Variants in RAB11FIP1 observed in about 807,000 individuals in gnomAD.
RAB11FIP1 encodes RAB11 family interacting protein 1.
Under a neutral mutation model 83.1 loss-of-function variants are expected in RAB11FIP1, and 49 were observed. The ratio of observed to expected loss-of-function variants is 0.59; its 90% confidence interval spans 0.47 to 0.75. RAB11FIP1 has a LOEUF of 0.75. Among genes scored for constraint, RAB11FIP1 ranks in the 30% least tolerant of loss-of-function variants. The pLI, the probability that RAB11FIP1 is intolerant of heterozygous loss-of-function variation, is 0.00. For missense variants in RAB11FIP1, 1,536 were observed against 1,598.7 expected, an observed-to-expected ratio of 0.96 and a Z score of 0.67; for synonymous variants, 670 against 656.0, an observed-to-expected ratio of 1.02 and a Z score of -0.33.
At chr8:37,875,901 G>T (rs1210742276) in intron 2 of RAB11FIP1, among the ~76,000 whole-genome samples, 1 of 152,118 alleles carries the variant, frequency 6.6e-6, no homozygotes, top group Non-Finnish European at 1.5e-5. Flanking sequence ...AGGAACTCTG[G>T]AAAAGGAATT....
rs1459595863 is a variant in RAB11FIP1 at position 37,871,721 on chromosome 8, C to T, written c.3081G>A (p.Leu1027=). Reference sequence around the variant, plus strand: ...GGGGTGCTTGCAGCCTGAAATCACACAGGCCCTCCCCCAGTACCAACCTAT... The same window carrying T: ...GGGGTGCTTGCAGCCTGAAATCACATAGGCCCTCCCCCAGTACCAACCTAT... ...EADRLVLGEG[L]CDFRLQAPQA... Residue 1027 remains leucine (L), a synonymous_variant, in exon 4 of 6, where the codon CTG becomes CTA. Transcript: ENST00000330843. 1.2e-6 allele frequency: 2 copies of T among 1,613,618 alleles called. No individual in the cohort carries two copies. The highest frequency in any genetic ancestry group is 1.1e-5 in the South Asian group (1 of 91,082).
intron 3 of RAB11FIP1, 139 bp downstream of exon 3, chr8:37,874,372 TAAAA>T: frequency 1.4e-6 from 1 of 691,712 alleles, no homozygotes; most frequent in Non-Finnish European, 2.4e-6. Flanking sequence ...AGGGACTGGT[TAAAA>T]AAATAATTTA....
Position 37,872,662 on chromosome 8 carries a change from GT to G in RAB11FIP1, c.2139del (p.Lys713AsnfsTer26). On this transcript the variant is annotated frameshift_variant, in exon 4 of 6. Coordinates refer to ENST00000330843, the MANE Select transcript of RAB11FIP1 (RefSeq NM_001002814.3). LOFTEE classifies it high-confidence loss of function. ...TCTCCAGATGATGGGCTGTAGTCTT[GT>G]TTTTTGCAGGGGAATCTCGGAAGTT... is the stretch of plus-strand genomic sequence containing the variant. Reference protein sequence around the residue: ...EEELPRFPCKKQDYSPSSGEA... With the variant: ...EEELPRFPCKXQDYSPSSGEA... 6.2e-7 allele frequency: 1 copy of G among 1,614,186 alleles called. No individual in the cohort carries two copies. Among genetic ancestry groups the G allele is most frequent in the Non-Finnish European group, 8.5e-7 (1 of 1,180,022 alleles).
chr8:37,894,050 GT>G (rs1413171648), intron 1 of RAB11FIP1, among the ~76,000 whole-genome samples: 1 of 152,214 alleles, frequency 6.6e-6, no homozygotes, highest in East Asian at 1.9e-4. Flanking sequence ...AGCTATCTCA[GT>G]TTCCTACACT....
rs1201057232 is a variant in RAB11FIP1 at position 37,872,524 on chromosome 8, C to G, written c.2278G>C (p.Val760Leu). Residue 760 changes from valine to leucine, a missense_variant, in exon 4 of 6, where the codon GTG becomes CTG. Transcript: ENST00000330843. Reference protein sequence around the residue: ...RDLESQAGSLVESKARDAAEE... With the variant: ...RDLESQAGSLLESKARDAAEE... ...GCTGCATCCCTGGCTTTGCTCTCCA[C>G]AAGAGACCCAGCCTGACTCTCCAAG... 1 of 1,614,106 alleles carries G rather than the reference C, an allele frequency of 6.2e-7. No homozygotes were observed. The highest frequency in any genetic ancestry group is 8.5e-7 in the Non-Finnish European group (1 of 1,180,056).
At position 37,872,029 on chromosome 8, in the gene RAB11FIP1, TCTGATA is replaced by T. The variant is rs754690737; in HGVS notation, c.2767_2772del (p.Tyr923_Gln924del). ...AAACCTTCGTGGTCACTGGCTTTGC[TCTGATA>T]CTGAGTCACAAGGGCATCCTCTCCC... On this transcript the variant is annotated inframe_deletion, in exon 4 of 6. Coordinates refer to ENST00000330843, the MANE Select transcript of RAB11FIP1 (RefSeq NM_001002814.3). The T allele has an allele frequency of 6.2e-7, 1 of 1,614,158 alleles. No homozygotes were observed. Among genetic ancestry groups the T allele is most frequent in the South Asian group, 1.1e-5 (1 of 91,080 alleles).
In RAB11FIP1 at chr8:37,894,960, G is replaced by A. The variant is rs1228220866; in HGVS notation, c.371+4111C>T. Reference sequence around the variant, plus strand: ...TTTTAGTAGAGACAGGGTTCACCATGTTGACCAGACTGGTCTCAAACTCCT... The same window carrying A: ...TTTTAGTAGAGACAGGGTTCACCATATTGACCAGACTGGTCTCAAACTCCT... On this transcript the variant is annotated intron_variant, in intron 1 of 5. Transcript: ENST00000330843. 6.0e-5 allele frequency among the ~76,000 whole-genome samples: 9 copies of A among 148,844 alleles called. No individual in the cohort carries two copies. The East Asian group carries it at 1.8e-3, about 29-fold the overall frequency.
At chr8:37,878,693 A>T (rs11988275) in intron 1 of RAB11FIP1, among the ~76,000 whole-genome samples, 15,491 of 138,750 alleles carry the variant, frequency 0.11, 868 homozygotes, top group Middle Eastern at 0.14. Context: ...ACACAGAATT[A>T]AAAAAAAAAA....
Position 37,871,913 on chromosome 8 carries a change from A to G in RAB11FIP1, c.2889T>C (p.Pro963=). Residue 963 remains proline (P), a synonymous_variant, in exon 4 of 6, where the codon CCT becomes CCC. Transcript: ENST00000330843. ...ADLNLSLPSI[P]EVASDDERID... The stretch of plus-strand genomic sequence containing the variant: ...TTCTTTCATCATCCGATGCGACTTC[A>G]GGAATGGAAGGAAGGCTTAAGTTCA... 2 of 1,614,238 alleles carry G rather than the reference A, an allele frequency of 1.2e-6. No homozygotes were observed. The highest frequency in any genetic ancestry group is 1.7e-6 in the Non-Finnish European group (2 of 1,180,034).
chr8:37,861,609 G>A lies in RAB11FIP1; in HGVS notation c.*1286C>T, dbSNP rs111410466. 12 of 437,968 alleles carry A rather than the reference G, an allele frequency of 2.7e-5. No individual in the cohort carries two copies. Among genetic ancestry groups the A allele is most frequent in the Non-Finnish European group, 1.3e-5 (3 of 222,942 alleles). The allele number at this position is 437,968 out of a possible 1,614,324, so 27.1% of individuals were successfully genotyped here. On this transcript the variant is annotated 3_prime_UTR_variant, in exon 6 of 6. Transcript: ENST00000330843. The stretch of plus-strand genomic sequence containing the variant: ...AAAATTGCCCAGGCTCTTTTTTTAA[G>A]AGTCTTAAAAAAACTCTTGCCCAGG...
Position 37,871,962 on chromosome 8 carries a change from A to G in RAB11FIP1, c.2840T>C (p.Phe947Ser), listed in dbSNP as rs775021340. The G allele has an allele frequency of 9.9e-6, 16 of 1,614,182 alleles. No homozygotes were observed. The East Asian group carries it at 3.6e-4, about 36-fold the overall frequency. ...CAGATCGGCCATGATTGGAGATTTA[A>G]AATCTGAGACCAACTGAAGGTCACT... The part of the protein sequence containing the change: ...PLSDLQLVSD[F>S]KSPIMADLNL... Residue 947 changes from phenylalanine (F) to serine (S), a missense_variant, in exon 4 of 6, where the codon TTT becomes TCT. Coordinates refer to ENST00000330843, the MANE Select transcript of RAB11FIP1 (RefSeq NM_001002814.3).
At chr8:37,894,319 AAAC>A (rs1807015970) in intron 1 of RAB11FIP1, among the ~76,000 whole-genome samples, 1 of 152,152 alleles carries the variant, frequency 6.6e-6, no homozygotes, top group Non-Finnish European at 1.5e-5. Flanking sequence ...TCTCCCAGAA[AAAC>A]AACTATCTAG....
intron 4 of RAB11FIP1, chr8:37,871,045 G>A (rs1018914531): frequency 2.0e-6 from 1 of 505,194 alleles, no homozygotes; most frequent in African/African-American, 2.0e-5. Context: ...CTCCAAATCT[G>A]ACCGTGCAGA....
chr8:37,886,687 C>T (rs79078436), intron 1 of RAB11FIP1, among the ~76,000 whole-genome samples: 2 of 152,128 alleles, frequency 1.3e-5, no homozygotes, highest in Non-Finnish European at 2.9e-5. Context: ...AGGAAAGAAG[C>T]AGGAAGAACA....
In RAB11FIP1 at chr8:37,872,567, T is replaced by G. The variant is rs1043201679; in HGVS notation, c.2235A>C (p.Ala745=). 4.3e-6 allele frequency: 7 copies of G among 1,614,230 alleles called. No homozygotes were observed. Among genetic ancestry groups the G allele is most frequent in the Non-Finnish European group, 5.1e-6 (6 of 1,180,036 alleles). ...DGAVSPVGEL[A]AGGDRDLESQ... ...TCTCCAAGTCTCTGTCTCCTCCTGC[T>G]GCAAGCTCCCCAACAGGGCTCACAG... Residue 745 remains alanine, a synonymous_variant, in exon 4 of 6, where the codon GCA becomes GCC. Transcript: ENST00000330843.
chr8:37,865,943 G>A (rs911714796), intron 5 of RAB11FIP1, among the ~76,000 whole-genome samples: 7 of 152,140 alleles, frequency 4.6e-5, no homozygotes, highest in Non-Finnish European at 5.9e-5. Flanking sequence ...CATACGAACC[G>A]TCAAACAGCT....
rs1447943083 is a variant in RAB11FIP1, at chr8:37,862,883, T to C, written c.*12A>G. ...AGTCACAGAAACGTCTCGGTGTTTTTTTTCTGCTGATTTACATCTTTCCTG... is the reference window on the plus strand; with the variant it reads ...AGTCACAGAAACGTCTCGGTGTTTTCTTTCTGCTGATTTACATCTTTCCTG... On this transcript the variant is annotated 3_prime_UTR_variant, in exon 6 of 6. Transcript: ENST00000330843. 1.2e-6 allele frequency: 2 copies of C among 1,600,618 alleles called. No individual in the cohort carries two copies. Among genetic ancestry groups the C allele is most frequent in the Non-Finnish European group, 1.7e-6 (2 of 1,170,054 alleles).
intron 1 of RAB11FIP1, among the ~76,000 whole-genome samples, chr8:37,879,129 G>A (rs1002247619): frequency 2.0e-5 from 3 of 152,144 alleles, no homozygotes; most frequent in East Asian, 1.9e-4. Context: ...CCAACATGGC[G>A]AAACCCCGTC....
chr8:37,875,347 G>C, intron 2 of RAB11FIP1, 25 bp from the exon 3 acceptor site: 1 of 1,567,084 alleles, frequency 6.4e-7, no homozygotes, highest in Non-Finnish European at 8.7e-7. Context: ...AGAACAGAAA[G>C]GGGATAAGAT....
Sources: allele counts gnomAD v4.1 joint callset (sites outside exome capture counted in the v4.1 genomes callset), GRCh38; gene constraint gnomAD v4.1.1; transcripts MANE v1.5; gene names NCBI Gene and HGNC (gene_info 2026-07-23, HGNC 2026-07-21).